PCDHGA8: variants seen among roughly 807,000 people sequenced by gnomAD.
PCDHGA8 encodes the protein protocadherin gamma-A8.
Under a neutral mutation model 59.2 loss-of-function variants are expected in PCDHGA8, and 45 were observed. The ratio of observed to expected loss-of-function variants is 0.76; its 90% confidence interval spans 0.60 to 0.98. The LOEUF is 0.98. PCDHGA8 is among the 50% of genes least tolerant of loss of function. The pLI is 0.00. For synonymous variants in PCDHGA8, 531 were observed against 519.0 expected, an observed-to-expected ratio of 1.02 and a Z score of -0.32; for missense variants, 1,257 against 1,196.2, an observed-to-expected ratio of 1.05 and a Z score of -0.75.
At chr5:141,467,110 T>C (rs2099137137) in intron 1 of PCDHGA8, among the ~76,000 whole-genome samples, 1 of 151,604 alleles carries the variant, frequency 6.6e-6, no homozygotes, top group Non-Finnish European at 1.5e-5. Context: ...TGGAGTACAA[T>C]GGTGCAATCT....
intron 1 of PCDHGA8, chr5:141,422,035 C>A: frequency 6.2e-7 from 1 of 1,611,086 alleles, no homozygotes; most frequent in South Asian, 1.1e-5. Flanking sequence ...TGCAACGGAT[C>A]CAGACGAGGG....
intron 1 of PCDHGA8, among the ~76,000 whole-genome samples, chr5:141,469,967 C>G (rs2099217411): frequency 6.6e-6 from 1 of 152,124 alleles, no homozygotes; most frequent in Admixed American, 6.6e-5. Flanking sequence ...CCCATCTGTA[C>G]CAAAAATACA....
chr5:141,398,472 C>T (rs2093659150), intron 1 of PCDHGA8: 1 of 1,606,348 alleles, frequency 6.2e-7, no homozygotes, highest in Non-Finnish European at 8.5e-7. Context: ...ATCCACTGAA[C>T]TTTTATCACG....
At chr5:141,441,404 C>T (rs1231257776) in intron 1 of PCDHGA8, 1 of 155,262 alleles carries the variant, frequency 6.4e-6, no homozygotes, top group Admixed American at 6.5e-5. Context: ...ATCAGCATCA[C>T]TGCCACTGAC....
intron 1 of PCDHGA8, chr5:141,419,864 C>A (rs1282571542): frequency 6.2e-7 from 1 of 1,613,966 alleles, no homozygotes; most frequent in Non-Finnish European, 8.5e-7. Context: ...AGATAGCTTG[C>A]AAGAGGTACT....
At chr5:141,405,659 G>T (rs867774573) in intron 1 of PCDHGA8, among the ~76,000 whole-genome samples, 1 of 152,106 alleles carries the variant, frequency 6.6e-6, no homozygotes, top group East Asian at 1.9e-4. Flanking sequence ...TGTGTTTTTA[G>T]TAGAGACGGG....
chr5:141,430,365 G>GA lies in PCDHGA8; in HGVS notation c.2424+35136dup, dbSNP rs202146484. Among the ~76,000 whole-genome samples, 583 of 147,736 alleles carry GA rather than the reference G, an allele frequency of 3.9e-3. 6 individuals are homozygous for GA. The highest frequency in any genetic ancestry group is 0.011 in the Admixed American group (169 of 14,894). On this transcript the variant is annotated intron_variant, in intron 1 of 3. Coordinates refer to ENST00000398604, the MANE Select transcript of PCDHGA8 (RefSeq NM_032088.2). ...CCAATTCATTTAAAAGCTCATTGGG[G>GA]AAAAAAAAGCTCATTGGGAAAAAAA...
chr5:141,409,700 G>GCGGTGT (rs1561722150), intron 1 of PCDHGA8: 2 of 1,613,280 alleles, frequency 1.2e-6, no homozygotes, highest in Admixed American at 3.3e-5. Flanking sequence ...AGAGCCCCTG[G>GCGGTGT]CGGTGTCGTC....
intron 2 of PCDHGA8, among the ~76,000 whole-genome samples, chr5:141,496,040 AT>A (rs2099765531): frequency 1.3e-5 from 2 of 150,356 alleles, no homozygotes; most frequent in Admixed American, 6.6e-5. Flanking sequence ...TCTGTCTCTC[AT>A]TTTTTTGTGC....
chr5:141,415,648 A>G (rs1403877896), intron 1 of PCDHGA8: 1 of 1,598,772 alleles, frequency 6.3e-7, no homozygotes, highest in African/African-American at 1.4e-5. Flanking sequence ...TGTTAAAAAA[A>G]AAAAGATTGG....
At chr5:141,427,765 T>C (rs1331334394) in intron 1 of PCDHGA8, 3 of 1,387,170 alleles carry the variant, frequency 2.2e-6, no homozygotes, top group Non-Finnish European at 2.0e-6. Context: ...ACCACTGACT[T>C]GGAGCTGCGG....
At chr5:141,400,234 G>T (rs749957043) in intron 1 of PCDHGA8, 6 of 1,613,868 alleles carry the variant, frequency 3.7e-6, no homozygotes, top group African/African-American at 1.3e-5. Context: ...CCTCCTGGCC[G>T]TGATTCTGGC....
Position 141,392,683 on chromosome 5 carries a change from G to A in PCDHGA8, c.-131G>A. On this transcript the variant is annotated 5_prime_UTR_variant, in exon 1 of 4. Coordinates refer to ENST00000398604, the MANE Select transcript of PCDHGA8 (RefSeq NM_032088.2). ...CACAAACTAACTGCTGGACTGCAGC[G>A]AAACCCGACCCCTGTTTGGAGGCAC... is the stretch of plus-strand genomic sequence containing the variant. The A allele has an allele frequency of 9.4e-7, 1 of 1,058,682 alleles. No homozygotes were observed. The allele number at this position is 1,058,682 out of a possible 1,614,324, so 65.6% of individuals were successfully genotyped here. A position where few individuals can be genotyped will look rare whatever the true frequency, so the allele number is the denominator to read the frequency against.
At chr5:141,415,026 G>A in intron 1 of PCDHGA8, 1 of 1,613,590 alleles carries the variant, frequency 6.2e-7, no homozygotes, top group Non-Finnish European at 8.5e-7. Flanking sequence ...AGGCCAGCGA[G>A]CCGGGACTCT....
At chr5:141,444,599 A>G (rs373366708) in intron 1 of PCDHGA8, among the ~76,000 whole-genome samples, 2 of 152,108 alleles carry the variant, frequency 1.3e-5, no homozygotes, top group African/African-American at 2.4e-5. Flanking sequence ...CCTTATTTAA[A>G]ATTGATTTTT....
intron 1 of PCDHGA8, among the ~76,000 whole-genome samples, chr5:141,452,664 T>C (rs557662640): frequency 6.6e-6 from 1 of 151,058 alleles, no homozygotes; most frequent in South Asian, 2.1e-4. Context: ...TCCACTGCAC[T>C]CCAGCCTAGG....
chr5:141,392,759 T>C lies in PCDHGA8; in HGVS notation c.-55T>C. On this transcript the variant is annotated 5_prime_UTR_variant, in exon 1 of 4. Coordinates refer to ENST00000398604, the MANE Select transcript of PCDHGA8 (RefSeq NM_032088.2). ...TCCATAGCTGCGGCAAGAAACTAAATAAGACCCATTTATGCACAGTGAAGA... is the reference window on the plus strand; with the variant it reads ...TCCATAGCTGCGGCAAGAAACTAAACAAGACCCATTTATGCACAGTGAAGA... 1 of 1,473,194 alleles carries C rather than the reference T, an allele frequency of 6.8e-7. No homozygotes were observed. The highest frequency in any genetic ancestry group is 9.0e-7 in the Non-Finnish European group (1 of 1,112,248). The allele number at this position is 1,473,194 out of a possible 1,614,324, so 91.3% of individuals were successfully genotyped here. A position where few individuals can be genotyped will look rare whatever the true frequency, so the allele number is the denominator to read the frequency against.
Position 141,491,414 on chromosome 5 carries a change from G to A in PCDHGA8, c.2425-3393G>A. On this transcript the variant is annotated intron_variant, in intron 1 of 3. Coordinates refer to ENST00000398604, the MANE Select transcript of PCDHGA8 (RefSeq NM_032088.2). The surrounding 1 kb of genome is among the most constrained non-coding windows in gnomAD (Gnocchi z 6.9). ...CTTCAGGGAAACGCAGACGGGGACGGGGGTGGAGGGCAGTGCTGCAGGCGC... is the reference window on the plus strand; with the variant it reads ...CTTCAGGGAAACGCAGACGGGGACGAGGGTGGAGGGCAGTGCTGCAGGCGC... 2 of 1,614,126 alleles carry A rather than the reference G, an allele frequency of 1.2e-6. No individual in the cohort carries two copies. Among genetic ancestry groups the A allele is most frequent in the Non-Finnish European group, 1.7e-6 (2 of 1,180,022 alleles).
intron 1 of PCDHGA8, chr5:141,421,577 T>C (rs1385519860): frequency 1.4e-5 from 22 of 1,613,748 alleles, no homozygotes; most frequent in Non-Finnish European, 1.5e-5. Context: ...ACCTTGAAGA[T>C]TTACGGAGTG....
Sources: allele counts gnomAD v4.1 joint callset (sites outside exome capture counted in the v4.1 genomes callset), GRCh38; gene constraint gnomAD v4.1.1; non-coding constraint Gnocchi (gnomAD v3.1); transcripts MANE v1.5; gene names NCBI Gene and HGNC (gene_info 2026-07-23, HGNC 2026-07-21).